Variants in MYO1D observed in about 807,000 individuals in gnomAD.
MYO1D encodes myosin ID.
A neutral mutation model predicts 122.0 loss-of-function variants in MYO1D; 83 were observed. The observed-to-expected ratio is 0.68, with a 90% CI of 0.57 to 0.82. The LOEUF (loss-of-function observed/expected upper bound fraction) is 0.82. Ranked by LOEUF, MYO1D falls within the 40% of genes least tolerant of loss-of-function variation. MYO1D has a pLI of 0.00. For synonymous variants in MYO1D, 464 were observed against 446.9 expected (o/e 1.04, Z -0.48); for missense variants, 1,157 against 1,269.5 (o/e 0.91, Z 1.35).
At chr17:32,612,514 C>A (rs2087714011) in intron 20 of MYO1D, among the ~76,000 whole-genome samples, 1 of 150,982 alleles carries the variant, frequency 6.6e-6, no homozygotes, top group African/African-American at 2.4e-5. Flanking sequence ...TAGCAAAAAC[C>A]CCAGCTAAAA....
At chr17:32,743,115 C>G (rs1371824656) in intron 13 of MYO1D, among the ~76,000 whole-genome samples, 2 of 152,182 alleles carry the variant, frequency 1.3e-5, no homozygotes, top group African/African-American at 4.8e-5. Context: ...CTGGCATGCT[C>G]TCAGTTTCCT....
At chr17:32,691,337 C>T (rs1361819698) in intron 16 of MYO1D, among the ~76,000 whole-genome samples, 2 of 151,078 alleles carry the variant, frequency 1.3e-5, no homozygotes, top group Non-Finnish European at 2.9e-5. Flanking sequence ...TTCATCTCCA[C>T]TAACTTCTTA....
chr17:32,539,053 C>T (rs1404076215), intron 21 of MYO1D, among the ~76,000 whole-genome samples: 1 of 140,334 alleles, frequency 7.1e-6, no homozygotes, highest in African/African-American at 2.5e-5. Flanking sequence ...ACCACCATGG[C>T]ACATGTTTAC....
At chr17:32,680,689 C>T (rs1318224398) in intron 16 of MYO1D, among the ~76,000 whole-genome samples, 1 of 151,480 alleles carries the variant, frequency 6.6e-6, no homozygotes, top group African/African-American at 2.4e-5. Flanking sequence ...ATTTTTGCAT[C>T]AATGTTCATC....
At chr17:32,840,442 A>G (rs923614396) in intron 1 of MYO1D, among the ~76,000 whole-genome samples, 11 of 152,218 alleles carry the variant, frequency 7.2e-5, no homozygotes, top group African/African-American at 1.9e-4. Context: ...TCCGCCAGCC[A>G]TAAGCACAGC....
intron 15 of MYO1D, among the ~76,000 whole-genome samples, chr17:32,714,383 C>T (rs1050847267): frequency 9.2e-5 from 14 of 152,196 alleles, no homozygotes; most frequent in Admixed American, 9.2e-4. Flanking sequence ...ATCCATGTCC[C>T]TGCAAAGGGC....
At chr17:32,833,533 C>T (rs116291145) in intron 1 of MYO1D, among the ~76,000 whole-genome samples, 3,165 of 152,128 alleles carry the variant, frequency 0.021, 102 homozygotes, top group African/African-American at 0.072. Flanking sequence ...TAAGTCACAT[C>T]ATGCCATTCC....
intron 21 of MYO1D, among the ~76,000 whole-genome samples, chr17:32,585,822 CAATT>C (rs772619289): frequency 6.7e-6 from 1 of 150,128 alleles, no homozygotes; most frequent in Non-Finnish European, 1.5e-5. Flanking sequence ...TCTGGTTATA[CAATT>C]AATACATAAC....
chr17:32,839,351 A>G (rs908179602), intron 1 of MYO1D, among the ~76,000 whole-genome samples: 2 of 152,246 alleles, frequency 1.3e-5, no homozygotes, highest in African/African-American at 4.8e-5. Flanking sequence ...ATTCAAAGCA[A>G]GCTGGAGCCT....
chr17:32,807,241 T>C (rs2090522995), intron 1 of MYO1D, among the ~76,000 whole-genome samples: 1 of 152,080 alleles, frequency 6.6e-6, no homozygotes, highest in Admixed American at 6.5e-5. Flanking sequence ...AAACACTTTA[T>C]TACAGTAAAA....
At chr17:32,691,320 A>G (rs913013242) in intron 16 of MYO1D, among the ~76,000 whole-genome samples, 1 of 151,574 alleles carries the variant, frequency 6.6e-6, no homozygotes, top group African/African-American at 2.4e-5. Context: ...CTCATAGCCA[A>G]TCGCTCTTCA....
At chr17:32,656,083 G>A (rs1311491860) in intron 17 of MYO1D, among the ~76,000 whole-genome samples, 6 of 152,130 alleles carry the variant, frequency 3.9e-5, no homozygotes, top group African/African-American at 7.2e-5. Flanking sequence ...TCTCTTATGC[G>A]CTTGGCGGCA....
chr17:32,876,716 G>T (rs1157457924), intron 1 of MYO1D, 62 bp downstream of exon 1: 4 of 1,386,248 alleles, frequency 2.9e-6, no homozygotes, highest in Non-Finnish European at 3.9e-6. Flanking sequence ...GCCGCGCCCC[G>T]AGGCGCCCCC....
intron 1 of MYO1D, among the ~76,000 whole-genome samples, chr17:32,821,052 C>G (rs1427939639): frequency 6.6e-6 from 1 of 152,126 alleles, no homozygotes; most frequent in Non-Finnish European, 1.5e-5. Context: ...TGATAGGCCT[C>G]AGTGTGTGTT....
At chr17:32,627,658 T>C (rs1186432577) in intron 20 of MYO1D, 1 of 152,088 alleles carries the variant, frequency 6.6e-6, no homozygotes, top group Admixed American at 6.6e-5. Flanking sequence ...TGCAATTAAT[T>C]GGCTGCTTCC....
chr17:32,721,471 C>G (rs555262971), intron 14 of MYO1D, among the ~76,000 whole-genome samples: 6 of 151,992 alleles, frequency 3.9e-5, no homozygotes, highest in Admixed American at 6.6e-5. Context: ...ACGTAAAGAT[C>G]GAGTTTCTGT....
intron 14 of MYO1D, among the ~76,000 whole-genome samples, chr17:32,734,179 T>G (rs1278569906): frequency 2.6e-5 from 4 of 152,220 alleles, no homozygotes; most frequent in African/African-American, 9.6e-5. Flanking sequence ...CATCAGTTAT[T>G]CGGATTCTTT....
chr17:32,841,555 G>A (rs2090882031), intron 1 of MYO1D, among the ~76,000 whole-genome samples: 1 of 152,090 alleles, frequency 6.6e-6, no homozygotes. Flanking sequence ...TGGCTGGATT[G>A]GAGAAAAGGG....
At chr17:32,616,676 G>C (rs1434098298) in intron 20 of MYO1D, among the ~76,000 whole-genome samples, 1 of 152,072 alleles carries the variant, frequency 6.6e-6, no homozygotes, top group Admixed American at 6.5e-5. Flanking sequence ...CGGGTAGAAA[G>C]TGGAGGATTT....
Sources: allele counts gnomAD v4.1 joint callset (sites outside exome capture counted in the v4.1 genomes callset), GRCh38; gene constraint gnomAD v4.1.1; transcripts MANE v1.5; gene names NCBI Gene and HGNC (gene_info 2026-07-23, HGNC 2026-07-21).